Variants in LTBR observed in about 807,000 individuals in gnomAD.
LTBR encodes tumor necrosis factor receptor superfamily member 3.
LTBR carries 15 observed loss-of-function variants against 45.4 expected under a neutral mutation model. The ratio of observed to expected loss-of-function variants is 0.33; its 90% CI spans 0.22 to 0.51. LTBR has a LOEUF of 0.51. LTBR is among the 20% of genes least tolerant of loss of function. The probability of loss-of-function intolerance (pLI) is 0.97; values close to 1 mark genes in which losing one functional copy is unlikely to be tolerated. For synonymous variants in LTBR, 228 were observed against 231.0 expected, an observed-to-expected ratio of 0.99 and a Z score of 0.12; for missense variants, 450 against 565.5, an observed-to-expected ratio of 0.80 and a Z score of 2.07.
chr12:6,384,201 C>T lies in LTBR; in HGVS notation c.-158C>T. The T allele has an allele frequency of 1.5e-6, 2 of 1,316,052 alleles. No individual in the cohort carries two copies. The highest frequency in any genetic ancestry group is 7.8e-5 in the Admixed American group (2 of 25,610). 81.5% of individuals were successfully genotyped at this position (1,316,052 alleles called of 1,614,324 possible). Reference sequence around the variant, plus strand: ...AGCTCCGCCATGGGAGCCCTGGAGGCCCGGCCTGGCCGCTCCCGGCCCTGG... The same window carrying T: ...AGCTCCGCCATGGGAGCCCTGGAGGTCCGGCCTGGCCGCTCCCGGCCCTGG... On this transcript the variant is annotated 5_prime_UTR_variant, in exon 1 of 10. Transcript: ENST00000228918.
chr12:6,377,888 T>A (rs980233864), intron 1 of LTBR, among the ~76,000 whole-genome samples: 1 of 152,216 alleles, frequency 6.6e-6, no homozygotes, highest in Non-Finnish European at 1.5e-5. Context: ...CCCTGCCACG[T>A]CCTGCCGGGT....
At position 6,388,073 on chromosome 12, in the gene LTBR, C is replaced by G. The variant is rs924955106; in HGVS notation, c.668-325C>G. ...CTTCCAGACCTTGAAAATCAACTGC[C>G]TAAGCTCCCATCCTGCACACACAAG... is the stretch of plus-strand genomic sequence containing the variant. On this transcript the variant is annotated intron_variant, in intron 6 of 9. Coordinates refer to ENST00000228918, the MANE Select transcript of LTBR (RefSeq NM_002342.3). The surrounding 1 kb of genome is among the most constrained non-coding windows in gnomAD (Gnocchi z 4.3). Among the ~76,000 whole-genome samples, 17 of 152,152 alleles carry G rather than the reference C, an allele frequency of 1.1e-4. No homozygotes were observed. Among genetic ancestry groups the G allele is most frequent in the African/African-American group, 4.1e-4 (17 of 41,418 alleles).
intron 1 of LTBR, chr12:6,375,898 C>A: frequency 1.6e-6 from 2 of 1,226,310 alleles, no homozygotes; most frequent in South Asian, 2.7e-5. Flanking sequence ...AAGAGGGAGA[C>A]AATAGAGAGG....
upstream of LTBR, among the ~76,000 whole-genome samples, chr12:6,379,834 GA>G (rs1486863463): frequency 2.0e-5 from 3 of 151,468 alleles, no homozygotes; most frequent in African/African-American, 7.3e-5. Context: ...TCGGGAGGCT[GA>G]GGCAGGAGAA....
In LTBR at chr12:6,385,774, T is replaced by C. The variant is rs540476024; in HGVS notation, c.473-292T>C. On this transcript the variant is annotated intron_variant, in intron 4 of 9. Transcript: ENST00000228918. ...ACAAAAAATTAGCCGGGCGTGGTGG[T>C]GGGCGCCTGTATCCCAGCTACTCGG... The C allele has an allele frequency of 7.9e-4, 159 of 201,950 alleles. 1 individual carries two copies. In the African/African-American group the frequency reaches 0.015, roughly 19 times the overall value. 12.5% of individuals were successfully genotyped at this position (201,950 alleles called of 1,614,324 possible).
Position 6,390,938 on chromosome 12 carries a change from C to A in LTBR, c.*1C>A, listed in dbSNP as rs369367670. 1.3e-6 allele frequency: 2 copies of A among 1,548,156 alleles called. No homozygotes were observed. Among genetic ancestry groups the A allele is most frequent in the African/African-American group, 1.4e-5 (1 of 72,618 alleles). ...GAACCAATTTATCACCCATGACTGACTGAGTCTGAGAAAAGGCAGAAGAAG... is the reference window on the plus strand; with the variant it reads ...GAACCAATTTATCACCCATGACTGAATGAGTCTGAGAAAAGGCAGAAGAAG... On this transcript the variant is annotated 3_prime_UTR_variant, in exon 10 of 10. Transcript: ENST00000228918.
chr12:6,384,066 G>A, upstream of LTBR: 1 of 1,219,740 alleles, frequency 8.2e-7, no homozygotes. Context: ...CCCGCATCGA[G>A]GCAGACAAGC....
rs896803603 is a variant in LTBR at position 6,386,678 on chromosome 12, A to C, written c.667+234A>C. ...ACTGTAATACTATGTCAAGGAACAC[A>C]TCCCACACTGAGATGTAATGATAAC... On this transcript the variant is annotated intron_variant, in intron 6 of 9. Coordinates refer to ENST00000228918, the MANE Select transcript of LTBR (RefSeq NM_002342.3). This position sits in a 1 kb window ranked among gnomAD's most constrained non-coding sequence, Gnocchi z 4.1. The C allele has an allele frequency of 8.0e-6, 4 of 502,502 alleles. No homozygotes were observed. Among genetic ancestry groups the C allele is most frequent in the Admixed American group, 7.1e-5 (2 of 28,062 alleles). 31.1% of individuals were successfully genotyped at this position (502,502 alleles called of 1,614,324 possible). A position where few individuals can be genotyped will look rare whatever the true frequency, so the allele number is the denominator to read the frequency against.
At chr12:6,377,022 G>A (rs1254573791) in intron 1 of LTBR, 2 of 468,722 alleles carry the variant, frequency 4.3e-6, no homozygotes, top group East Asian at 3.3e-5. Context: ...CAAGGGCTAG[G>A]GGAGCCTAGG....
intron 1 of LTBR, among the ~76,000 whole-genome samples, chr12:6,378,029 C>A (rs1948937136): frequency 6.6e-6 from 1 of 152,196 alleles, no homozygotes; most frequent in African/African-American, 2.4e-5. Flanking sequence ...TAAAGATGAT[C>A]TTTTAAAGTG....
At chr12:6,382,485 C>T (rs184516889), upstream of LTBR, among the ~76,000 whole-genome samples, 4 of 152,270 alleles carry the variant, frequency 2.6e-5, no homozygotes, top group African/African-American at 7.2e-5. Flanking sequence ...TTCCTTTACG[C>T]GTTTAAGAGC....
At chr12:6,385,888 G>C in intron 4 of LTBR, 178 bp from the exon 5 acceptor site, 3 of 510,000 alleles carry the variant, frequency 5.9e-6, no homozygotes, top group African/African-American at 2.3e-5. Context: ...CTGGGCGACA[G>C]AGCAAGACTC....
At chr12:6,383,762 C>T (rs1481679416), upstream of LTBR, among the ~76,000 whole-genome samples, 1 of 152,226 alleles carries the variant, frequency 6.6e-6, no homozygotes, top group African/African-American at 2.4e-5. Flanking sequence ...CGGTTCTCCT[C>T]GGTCTCAGAG....
At chr12:6,383,434 A>G (rs1949003574), upstream of LTBR, among the ~76,000 whole-genome samples, 3 of 152,042 alleles carry the variant, frequency 2.0e-5, no homozygotes, top group African/African-American at 7.2e-5. Flanking sequence ...AGCTTTCTCC[A>G]GTTCTAAGGG....
upstream of LTBR, chr12:6,375,293 T>A (rs1003863266): frequency 7.7e-6 from 11 of 1,435,270 alleles, no homozygotes; most frequent in Admixed American, 2.9e-5. Context: ...TCTCTTCCTC[T>A]CCCCCCCTTG....
At chr12:6,378,039 G>A (rs1205750017) in intron 1 of LTBR, among the ~76,000 whole-genome samples, 2 of 152,166 alleles carry the variant, frequency 1.3e-5, no homozygotes, top group Non-Finnish European at 2.9e-5. Context: ...CTTTTAAAGT[G>A]TACAAATAAT....
chr12:6,381,061 G>A (rs1948979134), upstream of LTBR, among the ~76,000 whole-genome samples: 1 of 152,134 alleles, frequency 6.6e-6, no homozygotes, highest in Non-Finnish European at 1.5e-5. Context: ...TGATCCAGCT[G>A]GGAAACAAGA....
At chr12:6,377,330 T>A in intron 1 of LTBR, 1 of 1,398,892 alleles carries the variant, frequency 7.1e-7, no homozygotes, top group South Asian at 1.3e-5. Flanking sequence ...AAACTGACCC[T>A]TCCCAAGGAT....
At chr12:6,377,670 G>C in intron 1 of LTBR, 1 of 1,301,736 alleles carries the variant, frequency 7.7e-7, no homozygotes, top group Non-Finnish European at 1.0e-6. Flanking sequence ...TCCTTACATT[G>C]GGCATGGTCC....
Sources: gnomAD v4.1 joint callset for allele counts (sites outside exome capture counted in the v4.1 genomes callset) on GRCh38, gnomAD v4.1.1 for gene constraint, Gnocchi (gnomAD v3.1) non-coding constraint, MANE v1.5 for transcripts, NCBI Gene and HGNC (gene_info 2026-07-23, HGNC 2026-07-21) for gene names.